The following PTER variants were observed in gnomAD, a reference collection of about 807,000 sequenced individuals.
PTER encodes phosphotriesterase related.
Under a neutral mutation model 29.6 loss-of-function variants are expected in PTER, and 38 were observed. That is an observed-to-expected ratio of 1.28 (90% CI 0.99 to 1.68). The LOEUF (loss-of-function observed/expected upper bound fraction) is 1.68, where lower values mean the gene tolerates loss of function less well. Among genes scored for constraint, PTER ranks in the 40% most tolerant of loss-of-function variants. PTER has a pLI of 0.00. For synonymous variants in PTER, 172 were observed against 154.5 expected, an observed-to-expected ratio of 1.11 and a Z score of -0.84; for missense variants, 482 against 427.8, an observed-to-expected ratio of 1.13 and a Z score of -1.12.
intron 1 of PTER, among the ~76,000 whole-genome samples, chr10:16,447,219 G>T (rs946304148): frequency 6.7e-6 from 1 of 149,094 alleles, no homozygotes; most frequent in African/African-American, 2.5e-5. Flanking sequence ...TCCCACCTCA[G>T]CCTCTCAAAT....
chr10:16,455,946 C>A (rs1052981891), intron 1 of PTER, among the ~76,000 whole-genome samples: 1 of 151,380 alleles, frequency 6.6e-6, no homozygotes, highest in African/African-American at 2.4e-5. Flanking sequence ...AGTGTTATTA[C>A]TTTTTTTTTG....
At chr10:16,481,310 C>T (rs11254016) in intron 1 of PTER, among the ~76,000 whole-genome samples, 18,089 of 152,210 alleles carry the variant, frequency 0.12, 1,809 homozygotes, top group African/African-American at 0.26. Context: ...TATAGCTGCT[C>T]TCATCGTTCC....
At chr10:16,440,878 G>C (rs149904216) in intron 1 of PTER, among the ~76,000 whole-genome samples, 1 of 152,208 alleles carries the variant, frequency 6.6e-6, no homozygotes, top group East Asian at 1.9e-4. Flanking sequence ...TCAAGCCTGC[G>C]TAATGAATAT....
chr10:16,511,104 C>A lies in PTER; in HGVS notation c.898C>A (p.His300Asn), dbSNP rs371118200. 1.1e-5 allele frequency: 18 copies of A among 1,613,958 alleles called. No individual in the cohort carries two copies. The highest frequency in any genetic ancestry group is 1.4e-5 in the Non-Finnish European group (16 of 1,179,994). ...EDRILVAHDI[H>N]TKTRLMKYGG... is the part of the protein sequence containing the mutation. ...TCGAATTCTGGTAGCACATGACATA[C>A]ATACGAAAACCCGGCTGATGAAATA... The change falls in exon 5 of 5, where the codon CAT becomes AAT. Residue 300 changes from histidine to asparagine, a missense_variant. Coordinates refer to ENST00000535784, the MANE Select transcript of PTER (RefSeq NM_001261836.2).
chr10:16,454,203 A>G (rs556501842), intron 1 of PTER, among the ~76,000 whole-genome samples: 1 of 152,316 alleles, frequency 6.6e-6, no homozygotes, highest in Admixed American at 6.5e-5. Context: ...CTTCTAATCC[A>G]TTTTTGAAAT....
chr10:16,445,186 G>C (rs147939165), intron 1 of PTER, among the ~76,000 whole-genome samples: 1 of 152,322 alleles, frequency 6.6e-6, no homozygotes, highest in African/African-American at 2.4e-5. Flanking sequence ...CATTAAATGA[G>C]GTATGCATGC....
rs1177625283 is a variant in PTER at position 16,512,436 on chromosome 10, A to C, written c.*1180A>C. ...AAATAAAATCCATTGCAATTCATTT[A>C]TGAGTTATCTTACATATCACAAAGA... On this transcript the variant is annotated 3_prime_UTR_variant, in exon 5 of 5. Transcript: ENST00000535784. The C allele has an allele frequency of 6.6e-6, 1 of 152,156 alleles. No homozygotes were observed. The highest frequency in any genetic ancestry group is 6.6e-5 in the Admixed American group (1 of 15,264). The allele number at this position is 152,156 out of a possible 1,614,324, so 9.4% of individuals were successfully genotyped here. A position where few individuals can be genotyped will look rare whatever the true frequency, so the allele number is the denominator to read the frequency against.
At chr10:16,514,280 C>T, downstream of PTER, 1 of 552,522 alleles carries the variant, frequency 1.8e-6, no homozygotes, top group Non-Finnish European at 3.2e-6. Context: ...ACTTCATTCA[C>T]ATGGACACTA....
chr10:16,473,445 G>A (rs371143534), intron 1 of PTER, among the ~76,000 whole-genome samples: 11 of 146,780 alleles, frequency 7.5e-5, no homozygotes, highest in African/African-American at 2.3e-4. Context: ...GCTTGAACCC[G>A]GGAGGCGGAG....
intron 3 of PTER, among the ~76,000 whole-genome samples, chr10:16,501,921 G>C (rs1389754320): frequency 6.6e-6 from 1 of 152,158 alleles, no homozygotes; most frequent in Non-Finnish European, 1.5e-5. Context: ...AATGCACTTT[G>C]CACAATGTCA....
At chr10:16,472,943 G>A (rs546906794) in intron 1 of PTER, among the ~76,000 whole-genome samples, 2 of 151,560 alleles carry the variant, frequency 1.3e-5, no homozygotes, top group South Asian at 4.2e-4. Flanking sequence ...TAAAGTATTT[G>A]TAGAGTAATT....
At chr10:16,476,068 A>C (rs1835248235) in intron 1 of PTER, 1 of 152,090 alleles carries the variant, frequency 6.6e-6, no homozygotes, top group South Asian at 2.1e-4. Context: ...AATAATCATA[A>C]TCCTGAACAT....
chr10:16,487,197 G>A (rs1346781669), intron 3 of PTER, among the ~76,000 whole-genome samples: 1 of 152,182 alleles, frequency 6.6e-6, no homozygotes, highest in Non-Finnish European at 1.5e-5. Context: ...ACTGTAACAA[G>A]TTATCACAAA....
At chr10:16,496,873 A>G (rs1005824107) in intron 3 of PTER, among the ~76,000 whole-genome samples, 4 of 150,960 alleles carry the variant, frequency 2.6e-5, no homozygotes, top group African/African-American at 9.8e-5. Flanking sequence ...CTGATAAACT[A>G]CACCCTTATA....
intron 1 of PTER, among the ~76,000 whole-genome samples, chr10:16,471,863 T>G (rs1381173791): frequency 6.6e-6 from 1 of 152,234 alleles, no homozygotes; most frequent in Non-Finnish European, 1.5e-5. Flanking sequence ...TGTCTAAATA[T>G]TCTCTTAAGA....
chr10:16,518,988 A>G, the PTER span, among the ~76,000 whole-genome samples: 14 of 151,994 alleles, frequency 9.2e-5, no homozygotes, highest in South Asian at 2.1e-4. Context: ...ATTTTCATGC[A>G]TAATAACTAT....
At chr10:16,481,020 T>C (rs916581867) in intron 1 of PTER, among the ~76,000 whole-genome samples, 6 of 152,232 alleles carry the variant, frequency 3.9e-5, no homozygotes, top group African/African-American at 1.4e-4. Flanking sequence ...AAACCCTCTG[T>C]GCTTTTTCAG....
At chr10:16,468,976 TAA>T (rs56959068) in intron 1 of PTER, among the ~76,000 whole-genome samples, 4 of 147,774 alleles carry the variant, frequency 2.7e-5, no homozygotes, top group South Asian at 2.1e-4. Context: ...CCCTGTCTCT[TAA>T]AAAAAAAAGC....
intron 3 of PTER, among the ~76,000 whole-genome samples, chr10:16,495,503 A>G (rs1319464356): frequency 6.6e-6 from 1 of 152,172 alleles, no homozygotes; most frequent in Admixed American, 6.5e-5. Flanking sequence ...ATTTTTAATG[A>G]TCAGTCACTG....
Sources: gnomAD v4.1 joint callset for allele counts (sites outside exome capture counted in the v4.1 genomes callset) on GRCh38, gnomAD v4.1.1 for gene constraint, MANE v1.5 for transcripts, NCBI Gene and HGNC (gene_info 2026-07-23, HGNC 2026-07-21) for gene names.